DGKB: variants seen among roughly 807,000 people sequenced by gnomAD.
DGKB encodes diacylglycerol kinase beta, also known as 90 kDa diacylglycerol kinase.
A neutral mutation model predicts 114.3 loss-of-function variants in DGKB; 67 were observed. The observed-to-expected ratio is 0.59, with a 90% CI of 0.48 to 0.72. The LOEUF (loss-of-function observed/expected upper bound fraction) is 0.72. DGKB is among the 30% of genes least tolerant of loss of function. The probability of loss-of-function intolerance (pLI) is 0.00; values close to 1 mark genes in which losing one functional copy is unlikely to be tolerated. For missense variants in DGKB, 907 were observed against 975.2 expected, an observed-to-expected ratio of 0.93 and a Z score of 0.93; for synonymous variants, 398 against 323.1, an observed-to-expected ratio of 1.23 and a Z score of -2.49.
intron 20 of DGKB, among the ~76,000 whole-genome samples, chr7:14,558,147 T>C (rs1397431339): frequency 1.3e-5 from 2 of 150,120 alleles, no homozygotes; most frequent in Non-Finnish European, 3.0e-5. Flanking sequence ...GATAAATATC[T>C]ATATAATATG....
At chr7:14,897,660 C>A (rs1479667155) in intron 1 of DGKB, among the ~76,000 whole-genome samples, 1 of 151,718 alleles carries the variant, frequency 6.6e-6, no homozygotes, top group African/African-American at 2.4e-5. Flanking sequence ...ATATTTTATC[C>A]ATCATATTCC....
chr7:14,328,563 C>A (rs986407610), intron 23 of DGKB, among the ~76,000 whole-genome samples: 57 of 152,090 alleles, frequency 3.7e-4, no homozygotes, highest in African/African-American at 1.3e-3. Flanking sequence ...TATAATTATT[C>A]TCTTTTAATG....
chr7:14,248,941 CA>C (rs1794839192), intron 23 of DGKB, among the ~76,000 whole-genome samples: 1 of 152,084 alleles, frequency 6.6e-6, no homozygotes, highest in South Asian at 2.1e-4. Context: ...GAAAAGCTTT[CA>C]ACTTTTCACT....
intron 2 of DGKB, among the ~76,000 whole-genome samples, chr7:14,785,189 GAA>G (rs1307682130): frequency 6.6e-6 from 1 of 151,900 alleles, no homozygotes; most frequent in Non-Finnish European, 1.5e-5. Flanking sequence ...AAAATATAAA[GAA>G]AAAGTAATGT....
chr7:14,869,345 A>G (rs2128193190), intron 1 of DGKB, among the ~76,000 whole-genome samples: 1 of 152,268 alleles, frequency 6.6e-6, no homozygotes, highest in Middle Eastern at 3.4e-3. Flanking sequence ...TATACACTTA[A>G]GGTTTAACTG....
intron 20 of DGKB, among the ~76,000 whole-genome samples, chr7:14,530,212 TAC>T (rs777527025): frequency 7.2e-5 from 11 of 151,776 alleles, no homozygotes; most frequent in Non-Finnish European, 1.2e-4. Flanking sequence ...AAATAAAATT[TAC>T]AGTCCTAATT....
At chr7:14,769,282 G>GAAAGAAAC (rs1370476715) in intron 2 of DGKB, among the ~76,000 whole-genome samples, 1 of 149,616 alleles carries the variant, frequency 6.7e-6, no homozygotes, top group Non-Finnish European at 1.5e-5. Context: ...AAGAAAGAAA[G>GAAAGAAAC]ATTTTGTAAA....
rs939818538 is a variant in DGKB, at chr7:14,372,370, G to A, written c.1836-26979C>T. ...TATCCTGCTACCTCCAAGTGGCTGA[G>A]GCAAGCTACCTCTAATCTGCCATCT... On this transcript the variant is annotated intron_variant, in intron 21 of 25. Transcript: ENST00000402815. Among the ~76,000 whole-genome samples the A allele has an allele frequency of 2.0e-5, 3 of 152,148 alleles. No individual in the cohort carries two copies. The East Asian group carries it at 5.8e-4, about 29-fold the overall frequency.
At chr7:14,336,848 A>G (rs1214234387) in intron 23 of DGKB, among the ~76,000 whole-genome samples, 1 of 152,200 alleles carries the variant, frequency 6.6e-6, no homozygotes, top group Non-Finnish European at 1.5e-5. Flanking sequence ...TCAACAACCC[A>G]GTGGGTGAAT....
intron 23 of DGKB, among the ~76,000 whole-genome samples, chr7:14,302,231 T>C (rs538283561): frequency 6.6e-6 from 1 of 152,170 alleles, no homozygotes; most frequent in East Asian, 1.9e-4. Flanking sequence ...GTATTTATAA[T>C]AAAAGGCAAG....
chr7:14,557,375 T>C (rs542209305), intron 20 of DGKB, among the ~76,000 whole-genome samples: 14 of 152,250 alleles, frequency 9.2e-5, no homozygotes, highest in African/African-American at 3.1e-4. Flanking sequence ...TATTTCTTTC[T>C]GTTAAAAAAA....
intron 2 of DGKB, among the ~76,000 whole-genome samples, chr7:14,771,741 CAA>C: frequency 6.6e-6 from 1 of 152,224 alleles, no homozygotes; most frequent in South Asian, 2.1e-4. Flanking sequence ...AAATGCCCTG[CAA>C]AGTCTCTTTT....
chr7:14,620,900 C>T (rs1481604537), intron 15 of DGKB, among the ~76,000 whole-genome samples: 1 of 151,388 alleles, frequency 6.6e-6, no homozygotes, highest in South Asian at 2.1e-4. Context: ...AATTTGAAAG[C>T]TAGAAATATA....
At chr7:14,170,076 G>A (rs1180111981) in intron 25 of DGKB, among the ~76,000 whole-genome samples, 1 of 149,120 alleles carries the variant, frequency 6.7e-6, no homozygotes. Context: ...GGATGTTGCG[G>A]TGAGCCGAGA....
At chr7:14,179,669 C>G (rs569730813) in intron 23 of DGKB, among the ~76,000 whole-genome samples, 4 of 152,156 alleles carry the variant, frequency 2.6e-5, no homozygotes, top group South Asian at 4.2e-4. Context: ...TCTCCAAGTT[C>G]GTTAAGCCCA....
intron 1 of DGKB, among the ~76,000 whole-genome samples, chr7:14,852,728 G>A (rs998982601): frequency 6.6e-6 from 1 of 152,108 alleles, no homozygotes; most frequent in Non-Finnish European, 1.5e-5. Flanking sequence ...GAAGAATGCA[G>A]TTGAATGGCT....
intron 23 of DGKB, among the ~76,000 whole-genome samples, chr7:14,205,809 G>A (rs1452737336): frequency 6.6e-6 from 1 of 151,888 alleles, no homozygotes; most frequent in Non-Finnish European, 1.5e-5. Context: ...CCAGAATGAG[G>A]GAATGAACCT....
At chr7:14,387,710 C>A (rs1458042035) in intron 21 of DGKB, among the ~76,000 whole-genome samples, 1 of 151,990 alleles carries the variant, frequency 6.6e-6, no homozygotes, top group Non-Finnish European at 1.5e-5. Context: ...AGCCACCATG[C>A]CTAGCCTCAT....
intron 1 of DGKB, among the ~76,000 whole-genome samples, chr7:14,950,625 T>A (rs1256876566): frequency 2.0e-5 from 3 of 151,936 alleles, no homozygotes; most frequent in African/African-American, 7.2e-5. Context: ...CAAAAATTAC[T>A]TAAAAAGAAA....
Sources: allele counts gnomAD v4.1 joint callset (sites outside exome capture counted in the v4.1 genomes callset), GRCh38; gene constraint gnomAD v4.1.1; transcripts MANE v1.5; gene names NCBI Gene and HGNC (gene_info 2026-07-23, HGNC 2026-07-21).